Variants in CNNM2 observed in about 807,000 individuals in gnomAD.
The protein encoded by CNNM2 is metal transporter CNNM2.
CNNM2 carries 12 observed loss-of-function variants against 66.9 expected under a neutral mutation model. The observed-to-expected ratio is 0.18, with a 90% CI of 0.11 to 0.29. The LOEUF is 0.29. Ranked by LOEUF, CNNM2 falls within the 10% of genes least tolerant of loss-of-function variation. The pLI is 1.00. For synonymous variants in CNNM2, 557 were observed against 501.8 expected (o/e 1.11, Z -1.47); for missense variants, 705 against 1,167.7 (o/e 0.60, Z 5.77).
chr10:102,925,296 CA>C (rs10624810), intron 1 of CNNM2, among the ~76,000 whole-genome samples: 76 of 17,752 alleles, frequency 4.3e-3, no homozygotes, highest in Middle Eastern at 0.083. Flanking sequence ...AACTCCATCT[CA>C]AAAAAAAAAA....
chr10:102,971,027 CAAAA>C (rs201268107), intron 1 of CNNM2, among the ~76,000 whole-genome samples: 1 of 122,536 alleles, frequency 8.2e-6, no homozygotes, highest in Non-Finnish European at 1.8e-5. Context: ...CCTGTCTCTA[CAAAA>C]AAAAAAAAAA....
intron 1 of CNNM2, among the ~76,000 whole-genome samples, chr10:103,010,053 G>A (rs905986926): frequency 8.6e-5 from 13 of 151,934 alleles, no homozygotes; most frequent in African/African-American, 2.9e-4. Flanking sequence ...CATTTAGAGA[G>A]ATGGAAATAA....
In CNNM2 at chr10:102,961,917, T is replaced by TA. The variant is rs897676938; in HGVS notation, c.1621+41825dup. Among the ~76,000 whole-genome samples the TA allele has an allele frequency of 7.1e-5, 9 of 126,982 alleles. No homozygotes were observed. In the East Asian group the frequency reaches 1.8e-3, roughly 26 times the overall value. 83.3% of individuals were successfully genotyped at this position (126,982 alleles called of 152,430 possible). A position where few individuals can be genotyped will look rare whatever the true frequency, so the allele number is the denominator to read the frequency against. ...TCTCTAAAAACATTAAATTAAATAT[T>TA]AAAAAAAAATAAGAAAGGTTGTCTA... is the stretch of plus-strand genomic sequence containing the variant. On this transcript the variant is annotated intron_variant, in intron 1 of 7. Transcript: ENST00000369878.
intron 1 of CNNM2, among the ~76,000 whole-genome samples, chr10:102,995,413 A>G (rs2063978779): frequency 6.6e-6 from 1 of 151,356 alleles, no homozygotes; most frequent in South Asian, 2.1e-4. Context: ...GGGTTTTGCC[A>G]TGTTGGCCAG....
chr10:103,058,960 T>C (rs573404443), intron 4 of CNNM2, among the ~76,000 whole-genome samples: 1 of 152,076 alleles, frequency 6.6e-6, no homozygotes, highest in Non-Finnish European at 1.5e-5. Flanking sequence ...AGTTTGTTTG[T>C]TTTTTTGTTT....
chr10:102,950,227 C>T (rs1846776705), intron 1 of CNNM2, among the ~76,000 whole-genome samples: 1 of 152,054 alleles, frequency 6.6e-6, no homozygotes, highest in African/African-American at 2.4e-5. Context: ...AGAAAATACT[C>T]AGTTGATTAA....
At chr10:102,961,220 A>G (rs963367189) in intron 1 of CNNM2, among the ~76,000 whole-genome samples, 8 of 152,172 alleles carry the variant, frequency 5.3e-5, no homozygotes, top group African/African-American at 1.9e-4. Context: ...ATCCCATCAG[A>G]TGGATCTTAC....
chr10:102,930,483 C>T (rs1846027578), intron 1 of CNNM2, among the ~76,000 whole-genome samples: 1 of 152,194 alleles, frequency 6.6e-6, no homozygotes, highest in African/African-American at 2.4e-5. Context: ...TTAAGGAACT[C>T]ATTCCATTTC....
intron 1 of CNNM2, among the ~76,000 whole-genome samples, chr10:102,972,411 C>T (rs1590331491): frequency 1.3e-5 from 2 of 152,054 alleles, no homozygotes; most frequent in East Asian, 1.9e-4. Flanking sequence ...CCGAGGCAGG[C>T]GAATCACGAG....
chr10:102,958,468 T>G (rs1277735143), intron 1 of CNNM2, among the ~76,000 whole-genome samples: 18 of 117,338 alleles, frequency 1.5e-4, no homozygotes, highest in Non-Finnish European at 1.7e-4. Flanking sequence ...TGTTTTTTTT[T>G]TTTTTTTTTT....
chr10:102,962,228 T>C (rs891210170), intron 1 of CNNM2, among the ~76,000 whole-genome samples: 1 of 152,148 alleles, frequency 6.6e-6, no homozygotes, highest in South Asian at 2.1e-4. Flanking sequence ...GGGCTTAATA[T>C]CTAAGGTGAT....
chr10:103,030,108 A>G (rs2064795277), intron 1 of CNNM2, among the ~76,000 whole-genome samples: 1 of 152,158 alleles, frequency 6.6e-6, no homozygotes, highest in South Asian at 2.1e-4. Context: ...GTGAAATAGC[A>G]TATCTAGTTT....
At chr10:102,967,669 C>G (rs956646375) in intron 1 of CNNM2, among the ~76,000 whole-genome samples, 1 of 152,158 alleles carries the variant, frequency 6.6e-6, no homozygotes, top group Non-Finnish European at 1.5e-5. Context: ...TACCCATTTG[C>G]TAGTTGATGG....
At position 102,918,579 on chromosome 10, in the gene CNNM2, C is replaced by T. The variant is rs1208658026; in HGVS notation, c.99C>T (p.Leu33=). Residue 33 remains leucine, a synonymous_variant, in exon 1 of 8, where the codon CTC becomes CTT. Transcript: ENST00000369878. This position sits in a 1 kb window ranked among gnomAD's most constrained non-coding sequence, Gnocchi z 4.1. ...PTWKMAARRS[L]SARGRGILQA... ...GGAAGATGGCGGCGCGCCGCAGCCT[C>T]AGCGCTCGCGGCCGGGGGATCCTGC... The T allele has an allele frequency of 7.6e-6, 12 of 1,577,658 alleles. No individual in the cohort carries two copies. The highest frequency in any genetic ancestry group is 9.4e-6 in the Non-Finnish European group (11 of 1,166,010).
rs1397515387 is a variant in CNNM2 at position 103,077,193 on chromosome 10, G to T, written c.*13G>T. On this transcript the variant is annotated 3_prime_UTR_variant, in exon 8 of 8. Transcript: ENST00000369878. ...AGGCGCCATCTAGGCCGCGCTGGCT[G>T]CACCCGCCCAGGCCCGCACCCGCCC... is the stretch of plus-strand genomic sequence containing the variant. The T allele has an allele frequency of 1.7e-5, 27 of 1,609,534 alleles. No homozygotes were observed. The highest frequency in any genetic ancestry group is 2.2e-5 in the Non-Finnish European group (26 of 1,179,024).
intron 1 of CNNM2, among the ~76,000 whole-genome samples, chr10:102,928,410 G>A (rs1289323461): frequency 6.6e-6 from 1 of 151,916 alleles, no homozygotes; most frequent in Non-Finnish European, 1.5e-5. Context: ...ATGAAACCCT[G>A]TCTCTACTAA....
chr10:103,076,287 C>T lies in CNNM2; in HGVS notation c.2418+17C>T, dbSNP rs368389397. The T allele has an allele frequency of 1.9e-5, 29 of 1,552,592 alleles. No individual in the cohort carries two copies. Among genetic ancestry groups the T allele is most frequent in the Middle Eastern group, 1.7e-4 (1 of 5,866 alleles). Reference sequence around the variant, plus strand: ...TTTGTTAAGGTGAGAGACGTGAGTGCAGTGTGGCTGGACCTGGCAGTTAGT... The same window carrying T: ...TTTGTTAAGGTGAGAGACGTGAGTGTAGTGTGGCTGGACCTGGCAGTTAGT... On this transcript the variant is annotated intron_variant, in intron 7 of 7. Transcript: ENST00000369878.
rs1322242641 is a variant in CNNM2, at chr10:103,054,393, G to A, written c.1830G>A (p.Lys610=). ...GAAAGCAAGATTTTTCTGCCTTTAAGCAGACAGACAGTGAGATGAAGGTTA... is the reference window on the plus strand; with the variant it reads ...GAAAGCAAGATTTTTCTGCCTTTAAACAGACAGACAGTGAGATGAAGGTTA... ...RERKQDFSAF[K]QTDSEMKVKI... The change falls in exon 3 of 8, where the codon AAG becomes AAA. Residue 610 remains lysine, a synonymous_variant. Coordinates refer to ENST00000369878, the MANE Select transcript of CNNM2 (RefSeq NM_017649.5). The surrounding 1 kb of genome is among the most constrained non-coding windows in gnomAD (Gnocchi z 5.2). 6.2e-7 allele frequency: 1 copy of A among 1,613,762 alleles called. No homozygotes were observed. The highest frequency in any genetic ancestry group is 8.5e-7 in the Non-Finnish European group (1 of 1,179,848).
At chr10:102,990,701 CAG>C (rs1487026292) in intron 1 of CNNM2, among the ~76,000 whole-genome samples, 1 of 152,168 alleles carries the variant, frequency 6.6e-6, no homozygotes, top group East Asian at 1.9e-4. Context: ...TGTTTTGTAA[CAG>C]AGTGAAGCGA....
Sources: allele counts gnomAD v4.1 joint callset (sites outside exome capture counted in the v4.1 genomes callset), GRCh38; gene constraint gnomAD v4.1.1; non-coding constraint Gnocchi (gnomAD v3.1); transcripts MANE v1.5; gene names NCBI Gene and HGNC (gene_info 2026-07-23, HGNC 2026-07-21).